Variants in MAGI2 observed in about 807,000 individuals in gnomAD.
The protein encoded by MAGI2 is membrane-associated guanylate kinase, WW and PDZ domain-containing protein 2.
A neutral mutation model predicts 133.3 loss-of-function variants in MAGI2; 35 were observed. That is an observed-to-expected ratio of 0.26 (90% confidence interval 0.20 to 0.35). MAGI2 has a LOEUF of 0.35. MAGI2 is among the 10% of genes least tolerant of loss of function. MAGI2 has a pLI of 1.00. For synonymous variants in MAGI2, 729 were observed against 710.6 expected, an observed-to-expected ratio of 1.03 and a Z score of -0.41; for missense variants, 1,636 against 1,863.4, an observed-to-expected ratio of 0.88 and a Z score of 2.25.
chr7:78,230,046 CT>C (rs1161860783), intron 10 of MAGI2, among the ~76,000 whole-genome samples: 8 of 152,082 alleles, frequency 5.3e-5, no homozygotes, highest in East Asian at 3.9e-4. Context: ...ACACATTGTC[CT>C]TTTTTTTGTC....
chr7:78,268,299 T>G (rs1430501173), intron 9 of MAGI2, among the ~76,000 whole-genome samples: 1 of 152,162 alleles, frequency 6.6e-6, no homozygotes, highest in Non-Finnish European at 1.5e-5. Flanking sequence ...TATTTTAAAT[T>G]TGATATTTTT....
chr7:79,261,196 G>T (rs1834060649), intron 1 of MAGI2, among the ~76,000 whole-genome samples: 1 of 152,198 alleles, frequency 6.6e-6, no homozygotes, highest in South Asian at 2.1e-4. Context: ...TGAATGGGAA[G>T]ACTTGATTCC....
At chr7:78,107,592 T>C (rs1230863473) in intron 20 of MAGI2, among the ~76,000 whole-genome samples, 2 of 152,106 alleles carry the variant, frequency 1.3e-5, no homozygotes, top group Non-Finnish European at 2.9e-5. Flanking sequence ...GCATTTTATT[T>C]TATTTGAAGC....
At chr7:79,083,669 G>C (rs1259241296) in intron 1 of MAGI2, among the ~76,000 whole-genome samples, 1 of 151,630 alleles carries the variant, frequency 6.6e-6, no homozygotes, top group East Asian at 1.9e-4. Flanking sequence ...TTATACCAGA[G>C]TAATAGCCTC....
At chr7:79,278,024 T>A (rs895293234) in intron 1 of MAGI2, among the ~76,000 whole-genome samples, 1 of 152,108 alleles carries the variant, frequency 6.6e-6, no homozygotes. Flanking sequence ...GATTTTGATG[T>A]CCCCTCCAAA....
intron 12 of MAGI2, among the ~76,000 whole-genome samples, chr7:78,190,581 G>C (rs1157672284): frequency 2.0e-5 from 3 of 152,128 alleles, no homozygotes; most frequent in African/African-American, 7.2e-5. Flanking sequence ...AGTCACCCTA[G>C]ATAGTCTTAT....
intron 1 of MAGI2, among the ~76,000 whole-genome samples, chr7:79,130,226 C>T (rs934239157): frequency 2.2e-4 from 34 of 151,522 alleles, no homozygotes; most frequent in African/African-American, 8.0e-4. Flanking sequence ...GAGGCTAAGG[C>T]GGGAGTGTAA....
chr7:78,616,639 G>A (rs1392368111), intron 3 of MAGI2: 1 of 152,158 alleles, frequency 6.6e-6, no homozygotes, highest in African/African-American at 2.4e-5. Context: ...TTAATGATGA[G>A]AATTAAGATA....
intron 2 of MAGI2, among the ~76,000 whole-genome samples, chr7:78,694,169 A>T (rs1817258232): frequency 6.6e-6 from 1 of 152,058 alleles, no homozygotes; most frequent in Non-Finnish European, 1.5e-5. Context: ...AAAACAACAA[A>T]TCCAAAGTAC....
intron 3 of MAGI2, among the ~76,000 whole-genome samples, chr7:78,524,127 A>T (rs1484849074): frequency 3.3e-5 from 5 of 151,622 alleles, no homozygotes; most frequent in East Asian, 3.9e-4. Flanking sequence ...GCTGCCAAGG[A>T]AGCAGAAGAG....
intron 9 of MAGI2, among the ~76,000 whole-genome samples, chr7:78,323,062 G>GAA (rs11431237): frequency 0.47 from 67,286 of 143,652 alleles, 16,465 homozygotes; most frequent in Non-Finnish European, 0.54. Flanking sequence ...GTCTATGGAA[G>GAA]AAAAAAAAAA....
At chr7:78,949,269 T>C (rs998424066) in intron 2 of MAGI2, among the ~76,000 whole-genome samples, 3 of 152,170 alleles carry the variant, frequency 2.0e-5, no homozygotes, top group Non-Finnish European at 2.9e-5. Context: ...TAGAGCATAA[T>C]AGAGTGTTAT....
chr7:79,395,059 G>A (rs1844941500), intron 1 of MAGI2, among the ~76,000 whole-genome samples: 1 of 152,136 alleles, frequency 6.6e-6, no homozygotes, highest in East Asian at 1.9e-4. Context: ...CATTATGTGT[G>A]TGAAAATATG....
chr7:79,294,437 G>A (rs1585461895), intron 1 of MAGI2, among the ~76,000 whole-genome samples: 1 of 151,658 alleles, frequency 6.6e-6, no homozygotes, highest in Non-Finnish European at 1.5e-5. Flanking sequence ...TTACCAGTAT[G>A]GAACAGGGGA....
rs1164638164 is a variant in MAGI2 at position 78,297,908 on chromosome 7, C to T, written c.1409-41327G>A. ...CTAGGTGACGAGTTAGTGGGTGCAG[C>T]GCACCAGCATGGCACATGTATACAT... On this transcript the variant is annotated intron_variant, in intron 9 of 21. Transcript: ENST00000354212. Among the ~76,000 whole-genome samples, 22 of 148,988 alleles carry T rather than the reference C, an allele frequency of 1.5e-4. No homozygotes were observed. In the South Asian group the frequency reaches 1.9e-3, roughly 13 times the overall value.
chr7:79,146,721 G>T (rs1030411503), intron 1 of MAGI2, among the ~76,000 whole-genome samples: 1 of 152,188 alleles, frequency 6.6e-6, no homozygotes, highest in Non-Finnish European at 1.5e-5. Context: ...TGATTGTGAG[G>T]CCTCCCCATC....
chr7:78,301,962 T>A (rs1394599611), intron 9 of MAGI2, among the ~76,000 whole-genome samples: 3 of 152,174 alleles, frequency 2.0e-5, no homozygotes, highest in Admixed American at 6.5e-5. Flanking sequence ...GAAAGGGTTA[T>A]CATGAGGACT....
rs539793765 is a variant in MAGI2, at chr7:78,619,549, C to T, written c.538+7571G>A. On this transcript the variant is annotated intron_variant, in intron 3 of 21. Coordinates refer to ENST00000354212, the MANE Select transcript of MAGI2 (RefSeq NM_012301.4). Reference sequence around the variant, plus strand: ...ATGATAATATTAAAATCATTAGTTGCTTATGTCAGTCCTTCTAGTCTCTTT... The same window carrying T: ...ATGATAATATTAAAATCATTAGTTGTTTATGTCAGTCCTTCTAGTCTCTTT... Among the ~76,000 whole-genome samples the T allele has an allele frequency of 1.4e-4, 22 of 151,924 alleles. No individual in the cohort carries two copies. The East Asian group carries it at 4.1e-3, about 28-fold the overall frequency.
At chr7:78,859,059 C>T (rs1044771792) in intron 2 of MAGI2, among the ~76,000 whole-genome samples, 91 of 151,794 alleles carry the variant, frequency 6.0e-4, no homozygotes, top group African/African-American at 2.0e-3. Context: ...AGGATTGCAA[C>T]CCCTGCTTTT....
Sources: gnomAD v4.1 joint callset for allele counts (sites outside exome capture counted in the v4.1 genomes callset) on GRCh38, gnomAD v4.1.1 for gene constraint, MANE v1.5 for transcripts, NCBI Gene and HGNC (gene_info 2026-07-23, HGNC 2026-07-21) for gene names.